DCX: variants seen among roughly 807,000 people sequenced by gnomAD.
DCX encodes neuronal migration protein doublecortin.
In DCX, 4 loss-of-function variants were observed where a neutral mutation model predicts 20.9. The ratio of observed to expected loss-of-function variants is 0.19; its 90% CI spans 0.09 to 0.44. The LOEUF (loss-of-function observed/expected upper bound fraction) is 0.44. Ranked by LOEUF, DCX falls within the 20% of genes least tolerant of loss-of-function variation. The pLI is 0.99. For missense variants in DCX, 133 were observed against 296.9 expected (o/e 0.45, Z 4.06); for synonymous variants, 103 against 111.4 (o/e 0.92, Z 0.47).
At chrX:111,380,337 A>T (rs966832538) in intron 3 of DCX, among the ~76,000 whole-genome samples, 3 of 111,657 alleles carry the variant, frequency 2.7e-5, no homozygotes, top group African/African-American at 9.7e-5. Flanking sequence ...TTTTGAGTTA[A>T]TTTTTATATA....
intron 5 of DCX, among the ~76,000 whole-genome samples, chrX:111,326,694 T>A (rs1188754295): frequency 8.9e-6 from 1 of 111,759 alleles, no homozygotes; most frequent in African/African-American, 3.3e-5. Context: ...ACAAAATCCT[T>A]ACTTAACTTG....
intron 5 of DCX, among the ~76,000 whole-genome samples, chrX:111,326,009 C>T (rs2095098758): frequency 9.0e-6 from 1 of 110,858 alleles, no homozygotes; most frequent in Non-Finnish European, 1.9e-5. Flanking sequence ...AAAGAAGGAC[C>T]CTGGGATACA....
At chrX:111,353,786 T>G (rs993210873) in intron 3 of DCX, among the ~76,000 whole-genome samples, 2 of 111,813 alleles carry the variant, frequency 1.8e-5, no homozygotes, top group African/African-American at 6.5e-5. Context: ...GAACATGGCA[T>G]GCCTTCTGTC....
chrX:111,410,060 G>A lies in DCX; in HGVS notation c.339C>T (p.Ile113=). 8.3e-7 allele frequency: 1 copy of A among 1,211,353 alleles called. No homozygotes were observed. The stretch of plus-strand genomic sequence containing the variant: ...CTTCCTCCAGTTCATCCATGCTTCC[G>A]ATCTTCCTGGATCCATCAATGGTGT... ...YIYTIDGSRK[I]GSMDELEEGE... The change falls in exon 2 of 7, where the codon ATC becomes ATT. Residue 113 remains isoleucine, a synonymous_variant. Coordinates refer to ENST00000636035, the MANE Select transcript of DCX (RefSeq NM_001195553.2).
intron 3 of DCX, among the ~76,000 whole-genome samples, chrX:111,357,525 C>A (rs912677178): frequency 2.7e-5 from 3 of 111,918 alleles, no homozygotes; most frequent in Non-Finnish European, 5.6e-5. Flanking sequence ...CACCTGTAAT[C>A]CTAGCACTTT....
chrX:111,342,329 G>A (rs1475710516), intron 3 of DCX, among the ~76,000 whole-genome samples: 1 of 61,271 alleles, frequency 1.6e-5, no homozygotes, highest in South Asian at 1.2e-3. Context: ...TCAACAAGAA[G>A]AGCTAACTAT....
chrX:111,328,417 A>G (rs1453526443), intron 5 of DCX, among the ~76,000 whole-genome samples: 1 of 111,772 alleles, frequency 8.9e-6, no homozygotes, highest in East Asian at 2.8e-4. Context: ...CTGGAGATCA[A>G]TGATTTGACA....
chrX:111,409,937 A>G, intron 2 of DCX, 98 bp downstream of exon 2: 1 of 1,133,269 alleles, frequency 8.8e-7, no homozygotes, highest in Non-Finnish European at 1.2e-6. Context: ...TGTTTTGAAA[A>G]ATACATTGCC....
chrX:111,336,684 G>C (rs1921766720), intron 3 of DCX, among the ~76,000 whole-genome samples: 1 of 111,964 alleles, frequency 8.9e-6, no homozygotes, highest in East Asian at 2.8e-4. Context: ...TTCAATTCAG[G>C]ACAAAATAAC....
chrX:111,391,676 T>C (rs1282433762), intron 3 of DCX, among the ~76,000 whole-genome samples: 4 of 110,841 alleles, frequency 3.6e-5, no homozygotes, highest in African/African-American at 1.3e-4. Flanking sequence ...GCAGCACCCT[T>C]TCCCTAGTTG....
chrX:111,329,913 T>C (rs1921059617), intron 5 of DCX, among the ~76,000 whole-genome samples: 1 of 112,335 alleles, frequency 8.9e-6, no homozygotes. Flanking sequence ...TTCTGAGCCT[T>C]GGGATGACAA....
chrX:111,407,843 T>C (rs1465792678), intron 2 of DCX, among the ~76,000 whole-genome samples: 1 of 105,128 alleles, frequency 9.5e-6, no homozygotes, highest in African/African-American at 3.5e-5. Context: ...CACACATATC[T>C]AGGGAGAAAA....
chrX:111,374,840 G>A lies in DCX; in HGVS notation c.705+26150C>T, dbSNP rs149697787. Among the ~76,000 whole-genome samples, 78 of 108,389 alleles carry A rather than the reference G, an allele frequency of 7.2e-4. 2 individuals are homozygous for A. In the East Asian group the frequency reaches 0.019, roughly 26 times the overall value. 94.1% of individuals were successfully genotyped at this position (108,389 alleles called of 115,157 possible). On this transcript the variant is annotated intron_variant, in intron 3 of 6. Transcript: ENST00000636035. ...TTTGTTCTGCCAGTCCTAGGGAGGA[G>A]TGGTAACAGTTGCTGCTATTGTTAA...
intron 3 of DCX, among the ~76,000 whole-genome samples, chrX:111,392,253 C>G (rs1362353628): frequency 9.0e-6 from 1 of 110,685 alleles, no homozygotes; most frequent in Non-Finnish European, 1.9e-5. Context: ...GGTTGGGGGA[C>G]AGAACATCAA....
At chrX:111,301,833 T>A in intron 6 of DCX, 90 bp from the exon 7 acceptor site, 1 of 811,380 alleles carries the variant, frequency 1.2e-6, no homozygotes, top group Non-Finnish European at 1.8e-6. Context: ...ATTAATACTT[T>A]AATTTTTACA....
intron 3 of DCX, among the ~76,000 whole-genome samples, chrX:111,397,081 T>G (rs1283185638): frequency 1.8e-5 from 2 of 111,857 alleles, no homozygotes; most frequent in Non-Finnish European, 3.8e-5. Context: ...GAGCCATGTC[T>G]GCAGATTGCT....
At chrX:111,378,833 GTTGGAGCTTTTAAGAGGTGA>G (rs1025131963) in intron 3 of DCX, among the ~76,000 whole-genome samples, 6 of 111,820 alleles carry the variant, frequency 5.4e-5, no homozygotes, top group Non-Finnish European at 7.5e-5. Flanking sequence ...ATTATTAATA[GTTGGAGCTTTTAAGAGGTGA>G]TTAAGCCATG....
chrX:111,376,969 C>CT (rs1925583349), intron 3 of DCX, among the ~76,000 whole-genome samples: 1 of 112,180 alleles, frequency 8.9e-6, no homozygotes, highest in South Asian at 3.7e-4. Flanking sequence ...CTGTCCTACA[C>CT]TTAATCTGAC....
intron 2 of DCX, among the ~76,000 whole-genome samples, chrX:111,406,732 T>C (rs1365864374): frequency 1.8e-5 from 2 of 112,235 alleles, no homozygotes; most frequent in African/African-American, 6.5e-5. Flanking sequence ...GTGCGCAGAA[T>C]AGGCAAATAT....
Sources: gnomAD v4.1 joint callset for allele counts (sites outside exome capture counted in the v4.1 genomes callset) on GRCh38, gnomAD v4.1.1 for gene constraint, MANE v1.5 for transcripts, NCBI Gene and HGNC (gene_info 2026-07-23, HGNC 2026-07-21) for gene names.